NLGN4X: variants seen among roughly 807,000 people sequenced by gnomAD.
The protein encoded by NLGN4X is neuroligin-4, X-linked.
In NLGN4X, 3 loss-of-function variants were observed where a neutral mutation model predicts 40.3. The ratio of observed to expected loss-of-function variants is 0.07; its 90% CI spans 0.03 to 0.19. The LOEUF (loss-of-function observed/expected upper bound fraction) is 0.19, where lower values mean the gene tolerates loss of function less well. Among genes scored for constraint, NLGN4X ranks in the 10% least tolerant of loss-of-function variants. NLGN4X has a pLI of 1.00. For missense variants in NLGN4X, 382 were observed against 708.3 expected (o/e 0.54, Z 5.23); for synonymous variants, 270 against 306.8 (o/e 0.88, Z 1.25).
At chrX:6,091,899 T>C (rs1321436939) in intron 2 of NLGN4X, among the ~76,000 whole-genome samples, 3 of 110,210 alleles carry the variant, frequency 2.7e-5, no homozygotes, top group African/African-American at 9.9e-5. Context: ...TTCCTTCCTT[T>C]CTTCCTTTGT....
intron 2 of NLGN4X, among the ~76,000 whole-genome samples, chrX:6,133,388 T>C (rs1169228631): frequency 8.9e-6 from 1 of 112,254 alleles, no homozygotes; most frequent in Admixed American, 9.5e-5. Context: ...CACCTCCTAA[T>C]TTAACTGAAC....
chrX:5,946,128 G>T (rs1012644442), intron 3 of NLGN4X, among the ~76,000 whole-genome samples: 1 of 111,229 alleles, frequency 9.0e-6, no homozygotes, highest in African/African-American at 3.3e-5. Context: ...TTGTCATGGG[G>T]GGCTGTTCTG....
chrX:6,147,251 G>A (rs768866243), intron 2 of NLGN4X, among the ~76,000 whole-genome samples: 2 of 111,965 alleles, frequency 1.8e-5, no homozygotes, highest in Non-Finnish European at 1.9e-5. Context: ...GGTCACTCAG[G>A]AAGTGGTTCC....
chrX:5,895,852 T>C (rs2031459787), intron 5 of NLGN4X, among the ~76,000 whole-genome samples: 1 of 111,916 alleles, frequency 8.9e-6, no homozygotes, highest in Non-Finnish European at 1.9e-5. Flanking sequence ...CATGTATTCT[T>C]ACATGGTTTT....
At chrX:6,138,036 T>A (rs1273455860) in intron 2 of NLGN4X, among the ~76,000 whole-genome samples, 1 of 111,999 alleles carries the variant, frequency 8.9e-6, no homozygotes, top group Non-Finnish European at 1.9e-5. Context: ...GCATTCAGCA[T>A]CCGGTGGGAA....
intron 1 of NLGN4X, chrX:6,187,564 A>T (rs1019733861): frequency 8.9e-6 from 1 of 112,480 alleles, no homozygotes; most frequent in Non-Finnish European, 1.9e-5. Flanking sequence ...GGTGGGGCGA[A>T]GGTCCCAGGC....
At chrX:6,167,899 T>TC (rs1193830049) in intron 1 of NLGN4X, among the ~76,000 whole-genome samples, 2 of 111,906 alleles carry the variant, frequency 1.8e-5, no homozygotes, top group Non-Finnish European at 3.8e-5. Context: ...ATCTCAAACC[T>TC]CCCCACTGTT....
intron 2 of NLGN4X, among the ~76,000 whole-genome samples, chrX:6,111,840 A>G (rs945871165): frequency 8.0e-5 from 9 of 111,883 alleles, no homozygotes; most frequent in Admixed American, 1.9e-4. Context: ...AAATATCCCT[A>G]TATCTTACCC....
At chrX:5,978,316 CTTTCTTTCTTTCT>C (rs1569164870) in intron 3 of NLGN4X, among the ~76,000 whole-genome samples, 14 of 92,734 alleles carry the variant, frequency 1.5e-4, no homozygotes, top group African/African-American at 5.8e-4. Context: ...TTCTTTCTTT[CTTTCTTTCTTTCT>C]TTCTTTCTTT....
At chrX:5,902,370 G>C (rs1434795910) in intron 5 of NLGN4X, among the ~76,000 whole-genome samples, 2 of 110,857 alleles carry the variant, frequency 1.8e-5, no homozygotes, top group Admixed American at 9.6e-5. Context: ...AAAAATCCAT[G>C]TAAGGGCATG....
intron 2 of NLGN4X, among the ~76,000 whole-genome samples, chrX:6,130,010 C>T (rs5961937): frequency 0.42 from 45,260 of 107,522 alleles, 7,273 homozygotes; most frequent in Middle Eastern, 0.63. Context: ...CTCAGCCTTC[C>T]TAGTAACTGA....
chrX:5,978,078 T>C (rs1254627087), intron 3 of NLGN4X, among the ~76,000 whole-genome samples: 1 of 112,086 alleles, frequency 8.9e-6, no homozygotes, highest in Non-Finnish European at 1.9e-5. Flanking sequence ...GGATGGGATG[T>C]ATGCACAGCT....
intron 3 of NLGN4X, among the ~76,000 whole-genome samples, chrX:6,008,550 A>T (rs1484427019): frequency 1.8e-5 from 2 of 111,663 alleles, no homozygotes; most frequent in Non-Finnish European, 3.8e-5. Context: ...AAGTTACTTT[A>T]TTTTCTACCA....
chrX:6,227,379 C>T (rs913190624), intron 1 of NLGN4X, among the ~76,000 whole-genome samples: 2 of 108,706 alleles, frequency 1.8e-5, no homozygotes, highest in African/African-American at 3.4e-5. Flanking sequence ...CAGTGGGCAC[C>T]GACTAGGGCT....
At chrX:5,921,148 CATATATATAT>C (rs60922455) in intron 3 of NLGN4X, among the ~76,000 whole-genome samples, 4 of 91,044 alleles carry the variant, frequency 4.4e-5, no homozygotes, top group African/African-American at 1.2e-4. Flanking sequence ...TATATATATA[CATATATATAT>C]ATATATATAT....
At chrX:6,178,904 T>C in intron 1 of NLGN4X, among the ~76,000 whole-genome samples, 1 of 110,832 alleles carries the variant, frequency 9.0e-6, no homozygotes, top group Non-Finnish European at 1.9e-5. Context: ...GAGACCAGCC[T>C]GAACAACATA....
At chrX:5,961,815 T>C (rs958030090) in intron 3 of NLGN4X, among the ~76,000 whole-genome samples, 1 of 112,257 alleles carries the variant, frequency 8.9e-6, no homozygotes, top group African/African-American at 3.2e-5. Flanking sequence ...CCCTGAGGTA[T>C]CCTGAAGAGG....
chrX:5,960,195 C>T (rs185639897), intron 3 of NLGN4X, among the ~76,000 whole-genome samples: 174 of 108,672 alleles, frequency 1.6e-3, no homozygotes, highest in African/African-American at 5.3e-3. Flanking sequence ...CAGTCAATTT[C>T]CATATTAAAA....
chrX:5,940,988 TGTGA>T (rs1033358383), intron 3 of NLGN4X, among the ~76,000 whole-genome samples: 18 of 109,002 alleles, frequency 1.7e-4, no homozygotes, highest in African/African-American at 5.7e-4. Context: ...ATTAGCTGGG[TGTGA>T]TGGTGTGTGC....
Sources: allele counts gnomAD v4.1 joint callset (sites outside exome capture counted in the v4.1 genomes callset), GRCh38; gene constraint gnomAD v4.1.1; transcripts MANE v1.5; gene names NCBI Gene and HGNC (gene_info 2026-07-23, HGNC 2026-07-21).